Variants in ARHGAP36 observed in about 807,000 individuals in gnomAD.
ARHGAP36 encodes rho GTPase-activating protein 36.
In ARHGAP36, 7 loss-of-function variants were observed where a neutral mutation model predicts 32.9. The observed-to-expected ratio is 0.21, with a 90% CI of 0.12 to 0.40. The LOEUF (loss-of-function observed/expected upper bound fraction) is 0.40. Ranked by LOEUF, ARHGAP36 falls within the 10% of genes least tolerant of loss-of-function variation. The pLI is 1.00. For missense variants in ARHGAP36, 383 were observed against 442.2 expected, an observed-to-expected ratio of 0.87 and a Z score of 1.20; for synonymous variants, 165 against 168.3, an observed-to-expected ratio of 0.98 and a Z score of 0.15.
At chrX:131,065,712 G>T (rs2079694821) in intron 1 of ARHGAP36, among the ~76,000 whole-genome samples, 1 of 111,699 alleles carries the variant, frequency 9.0e-6, no homozygotes, top group Admixed American at 9.4e-5. Flanking sequence ...AATACTTTAG[G>T]CAATGCTTTC....
Position 131,081,601 on chromosome X carries a change from T to G in ARHGAP36, c.-65T>G, listed in dbSNP as rs2079799525. The G allele has an allele frequency of 1.6e-5, 11 of 705,877 alleles. No individual in the cohort carries two copies. Among genetic ancestry groups the G allele is most frequent in the East Asian group, 6.8e-5 (1 of 14,686 alleles). 58.2% of individuals were successfully genotyped at this position (705,877 alleles called of 1,213,427 possible). A position where few individuals can be genotyped will look rare whatever the true frequency, so the allele number is the denominator to read the frequency against. ...CCCTCCCCCTCTACCCCCACCCCCA[T>G]AGTTCTCTCCACCAGGTCCAGTGAC... On this transcript the variant is annotated 5_prime_UTR_variant, in exon 2 of 12. Coordinates refer to ENST00000276211, the MANE Select transcript of ARHGAP36 (RefSeq NM_144967.4).
intron 1 of ARHGAP36, among the ~76,000 whole-genome samples, chrX:131,079,105 A>C (rs963701834): frequency 1.8e-5 from 2 of 112,170 alleles, no homozygotes; most frequent in Non-Finnish European, 3.8e-5. Context: ...AAACAGGTAC[A>C]AAAGATATCT....
At position 131,079,568 on chromosome X, in the gene ARHGAP36, T is replaced by TG. The variant is rs1310010389; in HGVS notation, c.-142-1956_-142-1955insG. ...TTTTTGTTTTTTGTTTTTTGTTTTT[T>TG]TTTTTTTGGACAGAAGGTAGCTCAT... On this transcript the variant is annotated intron_variant, in intron 1 of 11. Transcript: ENST00000276211. Among the ~76,000 whole-genome samples the TG allele has an allele frequency of 1.0e-3, 109 of 107,818 alleles. 1 individual carries two copies. The highest frequency in any genetic ancestry group is 2.9e-3 in the African/African-American group (87 of 29,750). The allele number at this position is 107,818 out of a possible 115,157, so 93.6% of individuals were successfully genotyped here.
chrX:131,081,614 C>T lies in ARHGAP36; in HGVS notation c.-52C>T. On this transcript the variant is annotated 5_prime_UTR_variant, in exon 2 of 12. Coordinates refer to ENST00000276211, the MANE Select transcript of ARHGAP36 (RefSeq NM_144967.4). Reference sequence around the variant, plus strand: ...CCCCCACCCCCATAGTTCTCTCCACCAGGTCCAGTGACAATTGGATGATGC... The same window carrying T: ...CCCCCACCCCCATAGTTCTCTCCACTAGGTCCAGTGACAATTGGATGATGC... 8.5e-7 allele frequency: 1 copy of T among 1,182,720 alleles called. No homozygotes were observed. Among genetic ancestry groups the T allele is most frequent in the Non-Finnish European group, 1.1e-6 (1 of 880,987 alleles).
At chrX:131,059,167 G>A (rs749544315) in intron 1 of ARHGAP36, among the ~76,000 whole-genome samples, 3 of 112,155 alleles carry the variant, frequency 2.7e-5, no homozygotes, top group Non-Finnish European at 5.6e-5. Flanking sequence ...TCACAGCACC[G>A]GCATATGTGG....
At chrX:131,083,294 C>T in intron 3 of ARHGAP36, 64 bp downstream of exon 3, 1 of 1,085,946 alleles carries the variant, frequency 9.2e-7, no homozygotes, top group Non-Finnish European at 1.3e-6. Context: ...TGTAGTGTGG[C>T]CCTGGCTATT....
intron 1 of ARHGAP36, among the ~76,000 whole-genome samples, chrX:131,080,996 T>C (rs1409508909): frequency 1.8e-5 from 2 of 112,419 alleles, no homozygotes; most frequent in African/African-American, 6.5e-5. Flanking sequence ...GCATAATTTT[T>C]CCATACTGTG....
chrX:131,067,983 A>G (rs982424783), intron 1 of ARHGAP36, among the ~76,000 whole-genome samples: 2 of 111,486 alleles, frequency 1.8e-5, no homozygotes, highest in Non-Finnish European at 3.8e-5. Context: ...ACACACATAT[A>G]CACTCACCAC....
chrX:131,084,492 G>A (rs2079823617), intron 5 of ARHGAP36, 85 bp downstream of exon 5: 4 of 1,132,552 alleles, frequency 3.5e-6, no homozygotes, highest in Non-Finnish European at 4.8e-6. Context: ...AAAAGAGGCC[G>A]AGGATGAAGG....
intron 1 of ARHGAP36, among the ~76,000 whole-genome samples, chrX:131,080,338 C>A (rs953312480): frequency 1.1e-4 from 12 of 110,427 alleles, no homozygotes; most frequent in Non-Finnish European, 1.5e-4. Flanking sequence ...GGTCTAACAT[C>A]ACAAGGTTTT....
At chrX:131,078,182 C>T (rs1487174242) in intron 1 of ARHGAP36, among the ~76,000 whole-genome samples, 1 of 110,996 alleles carries the variant, frequency 9.0e-6, no homozygotes, top group Non-Finnish European at 1.9e-5. Flanking sequence ...TGCTAAATAC[C>T]ACACATAATA....
At chrX:131,068,269 A>G (rs2079711915) in intron 1 of ARHGAP36, among the ~76,000 whole-genome samples, 1 of 111,038 alleles carries the variant, frequency 9.0e-6, no homozygotes, top group Non-Finnish European at 1.9e-5. Flanking sequence ...ATACATACAT[A>G]CATACACAGC....
intron 3 of ARHGAP36, among the ~76,000 whole-genome samples, chrX:131,083,445 A>T (rs2079816477): frequency 8.9e-6 from 1 of 112,133 alleles, no homozygotes; most frequent in Non-Finnish European, 1.9e-5. Flanking sequence ...CTCACCCCAC[A>T]CAGATCAACC....
rs759308919 is a variant in ARHGAP36 at position 131,081,826 on chromosome X, G to A, written c.161G>A (p.Ser54Asn). ...AGGACGAAGATGGTATCGATACACA[G>A]CCTCTCTGAGCTGGAGCGTCTGAAG... Reference protein sequence around the residue: ...DRRTKMVSIHSLSELERLKLQ... With the variant: ...DRRTKMVSIHNLSELERLKLQ... The change falls in exon 2 of 12, where the codon AGC becomes AAC. Residue 54 changes from serine to asparagine, a missense_variant. Ser to Asn is a conservative substitution (Grantham distance 46). Transcript: ENST00000276211. The A allele has an allele frequency of 8.3e-6, 10 of 1,212,008 alleles. No individual in the cohort carries two copies. The highest frequency in any genetic ancestry group is 1.1e-5 in the Non-Finnish European group (10 of 895,595).
chrX:131,079,253 G>A (rs1226348337), intron 1 of ARHGAP36, among the ~76,000 whole-genome samples: 1 of 112,074 alleles, frequency 8.9e-6, no homozygotes, highest in East Asian at 2.8e-4. Flanking sequence ...GCTTAGTCTG[G>A]AACTGTGGTT....
intron 2 of ARHGAP36, among the ~76,000 whole-genome samples, 188 bp from the exon 3 acceptor site, chrX:131,082,977 G>A (rs372474019): frequency 1.8e-5 from 2 of 113,307 alleles, no homozygotes; most frequent in East Asian, 5.6e-4. Flanking sequence ...ATAAGAGTGA[G>A]ATAGGCTTGT....
intron 1 of ARHGAP36, among the ~76,000 whole-genome samples, chrX:131,080,444 T>C (rs1176991461): frequency 9.0e-6 from 1 of 111,678 alleles, no homozygotes. Context: ...ATCCTTTCAA[T>C]CTTTAGCGCC....
chrX:131,084,462 T>G, intron 5 of ARHGAP36, 55 bp downstream of exon 5: 1 of 1,164,748 alleles, frequency 8.6e-7, no homozygotes, highest in Non-Finnish European at 1.2e-6. Flanking sequence ...AAAGGAGGGA[T>G]GTTCTGGAAA....
intron 2 of ARHGAP36, 27 bp downstream of exon 2, chrX:131,081,945 C>A (rs1446852974): frequency 8.3e-7 from 1 of 1,203,159 alleles, no homozygotes; most frequent in Non-Finnish European, 1.1e-6. Flanking sequence ...ATTGTGGCAT[C>A]CTCGCCTTCG....
Sources: gnomAD v4.1 joint callset for allele counts (sites outside exome capture counted in the v4.1 genomes callset) on GRCh38, gnomAD v4.1.1 for gene constraint, MANE v1.5 for transcripts, NCBI Gene and HGNC (gene_info 2026-07-23, HGNC 2026-07-21) for gene names.